PDE4B: variants seen among roughly 807,000 people sequenced by gnomAD.
PDE4B encodes 3',5'-cyclic-AMP phosphodiesterase 4B.
PDE4B carries 20 observed loss-of-function variants against 82.2 expected under a neutral mutation model. The observed-to-expected ratio is 0.24, with a 90% CI of 0.17 to 0.35. The LOEUF is 0.35. PDE4B is among the 10% of genes least tolerant of loss of function. The pLI is 1.00. For missense variants in PDE4B, 655 were observed against 907.2 expected, an observed-to-expected ratio of 0.72 and a Z score of 3.57; for synonymous variants, 320 against 318.9, an observed-to-expected ratio of 1.00 and a Z score of -0.04.
chr1:65,954,064 T>A (rs1042507131), intron 3 of PDE4B, among the ~76,000 whole-genome samples: 2 of 151,972 alleles, frequency 1.3e-5, no homozygotes, highest in African/African-American at 4.8e-5. Flanking sequence ...ACCCAGCTTA[T>A]TTTTGTATTT....
At chr1:65,915,243 A>G (rs1000573380) in intron 2 of PDE4B, among the ~76,000 whole-genome samples, 14 of 152,194 alleles carry the variant, frequency 9.2e-5, no homozygotes, top group African/African-American at 3.4e-4. Context: ...AATTATTCCA[A>G]CAAACTACTC....
chr1:65,845,836 G>T (rs1646262224), intron 1 of PDE4B, among the ~76,000 whole-genome samples: 1 of 152,066 alleles, frequency 6.6e-6, no homozygotes, highest in Non-Finnish European at 1.5e-5. Context: ...CCTTTCTCCG[G>T]ATGGGTGTCT....
intron 3 of PDE4B, among the ~76,000 whole-genome samples, chr1:66,185,423 T>G (rs1393652815): frequency 2.0e-5 from 3 of 152,176 alleles, no homozygotes; most frequent in East Asian, 1.9e-4. Context: ...CACATTGACT[T>G]CCACAATGGT....
chr1:66,306,030 C>T (rs1658251603), intron 7 of PDE4B, among the ~76,000 whole-genome samples: 4 of 151,996 alleles, frequency 2.6e-5, no homozygotes, highest in Admixed American at 2.0e-4. Flanking sequence ...TGATGTAGGC[C>T]TTGATCAATG....
intron 1 of PDE4B, among the ~76,000 whole-genome samples, chr1:65,885,132 A>C (rs1174175527): frequency 6.6e-6 from 1 of 152,238 alleles, no homozygotes; most frequent in Non-Finnish European, 1.5e-5. Context: ...ACTGGCCATC[A>C]GAGAAATGCA....
chr1:66,123,783 T>C (rs1179767834), intron 3 of PDE4B, among the ~76,000 whole-genome samples: 1 of 152,220 alleles, frequency 6.6e-6, no homozygotes, highest in Admixed American at 6.5e-5. Flanking sequence ...CGTAGAAGAA[T>C]GAATTTACTC....
chr1:66,014,129 T>C (rs1383882303), intron 3 of PDE4B, among the ~76,000 whole-genome samples: 1 of 152,144 alleles, frequency 6.6e-6, no homozygotes, highest in Non-Finnish European at 1.5e-5. Context: ...CTTTGTACAT[T>C]TTAAAATTGG....
At chr1:65,850,771 A>AT (rs1323154023) in intron 1 of PDE4B, among the ~76,000 whole-genome samples, 3 of 152,194 alleles carry the variant, frequency 2.0e-5, no homozygotes, top group South Asian at 2.1e-4. Context: ...TTGCCTTTGC[A>AT]TTTTGTTCAC....
chr1:66,079,544 T>G (rs560329564), intron 3 of PDE4B, among the ~76,000 whole-genome samples: 21 of 152,100 alleles, frequency 1.4e-4, no homozygotes, highest in Non-Finnish European at 2.4e-4. Flanking sequence ...CTCACCAAAT[T>G]CCAGCAAATT....
rs2050821311 is a variant in PDE4B, at chr1:66,372,554, G to T, written c.2087G>T (p.Gly696Val). Residue 696 changes from glycine to valine, a missense_variant, in exon 17 of 17, where the codon GGA becomes GTA. By Grantham distance (109) the Gly-to-Val change is moderately radical. Coordinates refer to ENST00000341517, the MANE Select transcript of PDE4B (RefSeq NM_002600.4). ...EEDSEGPEKE[G>V]EGHSYFSSTK... ...GATTCTGAAGGACCTGAGAAGGAGG[G>T]AGAGGGACACAGCTATTTCAGCAGC... 3.1e-6 allele frequency: 5 copies of T among 1,614,056 alleles called. No individual in the cohort carries two copies. Among genetic ancestry groups the T allele is most frequent in the Non-Finnish European group, 4.2e-6 (5 of 1,180,026 alleles).
rs140787356 is a variant in PDE4B, at chr1:66,358,475, G to T, written c.841+2855G>T. On this transcript the variant is annotated intron_variant, in intron 9 of 16. Coordinates refer to ENST00000341517, the MANE Select transcript of PDE4B (RefSeq NM_002600.4). The stretch of plus-strand genomic sequence containing the variant: ...AGATCACCTGAGGTCAGGAGTTCGA[G>T]ACCAGCCTGGTCAACATGGTGAAAC... Among the ~76,000 whole-genome samples, 380 of 152,216 alleles carry T rather than the reference G, an allele frequency of 2.5e-3. 16 individuals carry two copies. The East Asian group carries it at 0.06, about 24-fold the overall frequency.
At chr1:65,814,640 C>A (rs541409630) in intron 1 of PDE4B, among the ~76,000 whole-genome samples, 3 of 152,144 alleles carry the variant, frequency 2.0e-5, no homozygotes, top group Non-Finnish European at 4.4e-5. Flanking sequence ...AAACACTGAT[C>A]TGCTTTCTTT....
intron 3 of PDE4B, among the ~76,000 whole-genome samples, chr1:66,148,799 T>A (rs1646325141): frequency 6.6e-6 from 1 of 152,216 alleles, no homozygotes; most frequent in Admixed American, 6.5e-5. Flanking sequence ...TTTAGCATAA[T>A]GTTTTTAGGG....
At chr1:66,338,834 CG>C (rs1660726705) in intron 8 of PDE4B, among the ~76,000 whole-genome samples, 1 of 151,564 alleles carries the variant, frequency 6.6e-6, no homozygotes, top group African/African-American at 2.4e-5. Context: ...CCGGCTAAAA[CG>C]GTGAAACCCC....
At chr1:65,954,763 C>A (rs1037461204) in intron 3 of PDE4B, among the ~76,000 whole-genome samples, 1 of 152,058 alleles carries the variant, frequency 6.6e-6, no homozygotes, top group African/African-American at 2.4e-5. Context: ...AATGACCAGT[C>A]TGCAGGTTCT....
At chr1:66,078,123 T>A (rs112910042) in intron 3 of PDE4B, among the ~76,000 whole-genome samples, 2 of 152,244 alleles carry the variant, frequency 1.3e-5, no homozygotes, top group African/African-American at 4.8e-5. Flanking sequence ...TCCATTTTTT[T>A]AAGGTTGCAT....
chr1:66,111,100 A>G (rs1645477182), intron 3 of PDE4B, among the ~76,000 whole-genome samples: 1 of 152,108 alleles, frequency 6.6e-6, no homozygotes, highest in Admixed American at 6.6e-5. Flanking sequence ...AAATCATGAA[A>G]TGGTGCTATT....
At chr1:65,938,604 G>T (rs995717062) in intron 3 of PDE4B, among the ~76,000 whole-genome samples, 3 of 152,164 alleles carry the variant, frequency 2.0e-5, no homozygotes, top group Admixed American at 1.3e-4. Context: ...TGGTAGAAAA[G>T]GCAGACATGT....
chr1:65,833,545 G>A (rs79623659), intron 1 of PDE4B, among the ~76,000 whole-genome samples: 4,643 of 152,326 alleles, frequency 0.03, 180 homozygotes, highest in East Asian at 0.13. Flanking sequence ...CACAGGAAGT[G>A]TTAAAGCACC....
Sources: gnomAD v4.1 joint callset for allele counts (sites outside exome capture counted in the v4.1 genomes callset) on GRCh38, gnomAD v4.1.1 for gene constraint, MANE v1.5 for transcripts, NCBI Gene and HGNC (gene_info 2026-07-23, HGNC 2026-07-21) for gene names.